The following ECM1 variants were observed in gnomAD, a reference collection of about 807,000 sequenced individuals.
ECM1 encodes the protein secretory component p85.
In ECM1, 54 loss-of-function variants were observed where a neutral mutation model predicts 57.9. That is an observed-to-expected ratio of 0.93 (90% CI 0.75 to 1.17). The LOEUF (loss-of-function observed/expected upper bound fraction) is 1.17. Among genes scored for constraint, ECM1 ranks in the 50% most tolerant of loss-of-function variants. ECM1 has a pLI of 0.00. For synonymous variants in ECM1, 237 were observed against 259.1 expected, an observed-to-expected ratio of 0.91 and a Z score of 0.82; for missense variants, 649 against 688.1, an observed-to-expected ratio of 0.94 and a Z score of 0.64.
Position 150,511,512 on chromosome 1 carries a change from C to G in ECM1, c.764C>G (p.Pro255Arg). The G allele has an allele frequency of 6.2e-7, 1 of 1,614,174 alleles. No individual in the cohort carries two copies. The change falls in exon 7 of 10, where the codon CCC becomes CGC. Residue 255 changes from proline (P) to arginine (R), a missense_variant. Coordinates refer to ENST00000369047, the MANE Select transcript of ECM1 (RefSeq NM_004425.4). ...CEAEFSVKTRPHWCCTRQGEA... is the reference protein window; with the variant it reads ...CEAEFSVKTRRHWCCTRQGEA... ...GCCGAGTTCTCGGTCAAGACCCGACCCCACTGGTGCTGCACGCGGCAGGGG... is the reference window on the plus strand; with the variant it reads ...GCCGAGTTCTCGGTCAAGACCCGACGCCACTGGTGCTGCACGCGGCAGGGG...
chr1:150,509,443 A>C, intron 1 of ECM1, 88 bp from the exon 2 acceptor site: 2 of 1,442,016 alleles, frequency 1.4e-6, no homozygotes, highest in Non-Finnish European at 2.0e-6. Flanking sequence ...TCTGTCCTAC[A>C]CTCTTGATCT....
Position 150,513,510 on chromosome 1 carries a change from C to T in ECM1, c.*43C>T, listed in dbSNP as rs754823825. 3 of 1,551,906 alleles carry T rather than the reference C, an allele frequency of 1.9e-6. No individual in the cohort carries two copies. The highest frequency in any genetic ancestry group is 1.8e-6 in the Non-Finnish European group (2 of 1,136,486). ...GAGGGTCAGATGGGGGGAACCCCAC[C>T]CTGCCCCACCCATCTGAACACTCAT... On this transcript the variant is annotated 3_prime_UTR_variant, in exon 10 of 10. Transcript: ENST00000369047.
In ECM1 at chr1:150,510,131, C is replaced by T. The variant is rs747786118; in HGVS notation, c.334C>T (p.Pro112Ser). Residue 112 changes from proline (P) to serine (S), a missense_variant, in exon 5 of 10, where the codon CCC becomes TCC. Pro to Ser is a moderately conservative substitution (Grantham distance 74). Coordinates refer to ENST00000369047, the MANE Select transcript of ECM1 (RefSeq NM_004425.4). The part of the protein sequence containing the change: ...VGPPLPQEAV[P>S]LQKELPSLQH... ...TCCCCCTCTCCCTCAGGAAGCTGTC[C>T]CCCTCCAAAAAGAGCTGCCCTCTCT... The T allele has an allele frequency of 3.1e-6, 5 of 1,614,112 alleles. No homozygotes were observed. Among genetic ancestry groups the T allele is most frequent in the Non-Finnish European group, 4.2e-6 (5 of 1,179,982 alleles).
At chr1:150,510,044 GA>G in intron 4 of ECM1, 42 bp downstream of exon 4, 1 of 1,613,992 alleles carries the variant, frequency 6.2e-7, no homozygotes, top group Non-Finnish European at 8.5e-7. Flanking sequence ...TCCCACTATG[GA>G]TCCTGTTGAC....
At chr1:150,510,658 G>C (rs1050450968) in intron 5 of ECM1, 7 of 626,692 alleles carry the variant, frequency 1.1e-5, no homozygotes, top group Non-Finnish European at 2.0e-5. Flanking sequence ...GAAGCAGGAG[G>C]AGGTGGGGGC....
At chr1:150,510,049 T>G in intron 4 of ECM1, 47 bp downstream of exon 4, 2 of 1,613,918 alleles carry the variant, frequency 1.2e-6, no homozygotes, top group Non-Finnish European at 1.7e-6. Flanking sequence ...CTATGGATCC[T>G]GTTGACACCA....
rs587775247 is a variant in ECM1, at chr1:150,511,749, A to T, written c.1001A>T (p.Glu334Val). The T allele has an allele frequency of 6.2e-7, 1 of 1,613,988 alleles. No homozygotes were observed. Among genetic ancestry groups the T allele is most frequent in the Admixed American group, 1.7e-5 (1 of 60,008 alleles). The change falls in exon 7 of 10, where the codon GAG (glutamate) becomes GTG (valine). Residue 334 changes from glutamate to valine, a missense_variant. Coordinates refer to ENST00000369047, the MANE Select transcript of ECM1 (RefSeq NM_004425.4). The stretch of plus-strand genomic sequence containing the variant: ...CCAGCTACTGACCCCCTACAAAGGG[A>T]GCTGCTGGCACTGATCCAGCTGGAG... ...NLPATDPLQRELLALIQLERE... is the reference protein window; with the variant it reads ...NLPATDPLQRVLLALIQLERE...
At chr1:150,512,864 G>A in intron 9 of ECM1, 52 bp downstream of exon 9, 1 of 1,581,122 alleles carries the variant, frequency 6.3e-7, no homozygotes, top group Non-Finnish European at 8.7e-7. Context: ...GGGAGGGAAA[G>A]AGCTAGAACT....
chr1:150,513,422 T>G lies in ECM1; in HGVS notation c.1578T>G (p.Thr526=), dbSNP rs763010199. 1.4e-5 allele frequency: 23 copies of G among 1,614,046 alleles called. No homozygotes were observed. The highest frequency in any genetic ancestry group is 1.9e-5 in the Non-Finnish European group (23 of 1,180,030). Residue 526 remains threonine (T), a synonymous_variant, in exon 10 of 10, where the codon ACT becomes ACG. Coordinates refer to ENST00000369047, the MANE Select transcript of ECM1 (RefSeq NM_004425.4). The part of the protein sequence containing the change: ...NAKGQGEQGS[T]GGTNISSTSE... ...AGGGCCAGGGGGAGCAGGGCTCAAC[T>G]GGAGGAACAAATATCAGCTCCACCT... is the stretch of plus-strand genomic sequence containing the variant.
In ECM1 at chr1:150,508,143, G is replaced by A. The variant is rs999979105; in HGVS notation, c.-67G>A. ...AGCCACCAGACAAGCTTCAGTGGCCGGCCCTTCACATCCAGACTTGCCTGA... is the reference window on the plus strand; with the variant it reads ...AGCCACCAGACAAGCTTCAGTGGCCAGCCCTTCACATCCAGACTTGCCTGA... On this transcript the variant is annotated 5_prime_UTR_variant, in exon 1 of 10. Coordinates refer to ENST00000369047, the MANE Select transcript of ECM1 (RefSeq NM_004425.4). 9 of 1,476,048 alleles carry A rather than the reference G, an allele frequency of 6.1e-6. No individual in the cohort carries two copies. Among genetic ancestry groups the A allele is most frequent in the East Asian group, 2.3e-5 (1 of 44,210 alleles). The allele number at this position is 1,476,048 out of a possible 1,614,324, so 91.4% of individuals were successfully genotyped here.
chr1:150,509,684 C>T lies in ECM1; in HGVS notation c.145C>T (p.Pro49Ser), dbSNP rs1670381055. ...AGTTGGCTACGCAGCTCCCCCCTCCCCACCCCTATCCCGAAGCCTCCCCAT... is the reference window on the plus strand; with the variant it reads ...AGTTGGCTACGCAGCTCCCCCCTCCTCACCCCTATCCCGAAGCCTCCCCAT... ...QEVGYAAPPS[P>S]PLSRSLPMDH... is the part of the protein sequence containing the mutation. Residue 49 changes from proline to serine, a missense_variant, in exon 3 of 10, where the codon CCA becomes TCA. Pro to Ser is a moderately conservative substitution (Grantham distance 74). Coordinates refer to ENST00000369047, the MANE Select transcript of ECM1 (RefSeq NM_004425.4). The T allele has an allele frequency of 3.1e-6, 5 of 1,613,286 alleles. No individual in the cohort carries two copies. The highest frequency in any genetic ancestry group is 1.3e-5 in the African/African-American group (1 of 74,964).
Position 150,508,181 on chromosome 1 carries a change from C to CT in ECM1, c.-28dup. On this transcript the variant is annotated 5_prime_UTR_variant, in exon 1 of 10. Coordinates refer to ENST00000369047, the MANE Select transcript of ECM1 (RefSeq NM_004425.4). ...CAGACTTGCCTGAGAGGACCCACCT[C>CT]TGAGTGTCCAGTGGTCAGTTGCCCC... is the stretch of plus-strand genomic sequence containing the variant. The CT allele has an allele frequency of 6.2e-7, 1 of 1,613,104 alleles. No individual in the cohort carries two copies. The highest frequency in any genetic ancestry group is 1.1e-5 in the South Asian group (1 of 91,068).
intron 5 of ECM1, chr1:150,510,514 C>T: frequency 1.8e-6 from 1 of 549,646 alleles, no homozygotes; most frequent in South Asian, 2.1e-5. Flanking sequence ...CCCAGTAGAC[C>T]CACCTCTTCC....
rs1375820179 is a variant in ECM1, at chr1:150,508,343, G to C, written c.70+64G>C. 2.0e-6 allele frequency: 3 copies of C among 1,473,024 alleles called. No homozygotes were observed. In the East Asian group the frequency reaches 6.8e-5, roughly 33 times the overall value. The allele number at this position is 1,473,024 out of a possible 1,614,324, so 91.2% of individuals were successfully genotyped here. ...TTGCATGGCAGGGGTCTGGGTCCAGGCATCCCAGACGGCTCATCACTAGCA... is the reference window on the plus strand; with the variant it reads ...TTGCATGGCAGGGGTCTGGGTCCAGCCATCCCAGACGGCTCATCACTAGCA... On this transcript the variant is annotated intron_variant, in intron 1 of 9. Coordinates refer to ENST00000369047, the MANE Select transcript of ECM1 (RefSeq NM_004425.4).
Position 150,511,577 on chromosome 1 carries a change from C to G in ECM1, c.829C>G (p.Pro277Ala). 1.2e-6 allele frequency: 2 copies of G among 1,614,188 alleles called. No individual in the cohort carries two copies. Among genetic ancestry groups the G allele is most frequent in the South Asian group, 2.2e-5 (2 of 91,086 alleles). Residue 277 changes from proline to alanine, a missense_variant, in exon 7 of 10, where the codon CCA becomes GCA. Transcript: ENST00000369047. ...CTGCTTCCAGGAGGAAGCTCCCCAG[C>G]CACACTACCAGCTCCGGGCCTGCCC... ...FSCFQEEAPQ[P>A]HYQLRACPSH...
At position 150,513,695 on chromosome 1, in the gene ECM1, A is replaced by G; in HGVS notation, c.*228A>G. 2.0e-6 allele frequency: 1 copy of G among 508,580 alleles called. No homozygotes were observed. Among genetic ancestry groups the G allele is most frequent in the Non-Finnish European group, 3.6e-6 (1 of 280,434 alleles). 31.5% of individuals were successfully genotyped at this position (508,580 alleles called of 1,614,324 possible). ...TCCTAAGCCTGCTTGTATTTCCTTC[A>G]GTGCCTGGCCCCTGAGGCCCACGGC... On this transcript the variant is annotated 3_prime_UTR_variant, in exon 10 of 10. Transcript: ENST00000369047.
At position 150,511,469 on chromosome 1, in the gene ECM1, A is replaced by G. The variant is rs1348586543; in HGVS notation, c.721A>G (p.Met241Val). 1.9e-6 allele frequency: 3 copies of G among 1,614,044 alleles called. No homozygotes were observed. The highest frequency in any genetic ancestry group is 2.5e-6 in the Non-Finnish European group (3 of 1,179,968). ...CCTCTTGCTCTAGTGGGAGGAAGCA[A>G]TGAGCCGATTCTGTGAGGCCGAGTT... Reference protein sequence around the residue: ...ECAKLVWEEAMSRFCEAEFSV... With the variant: ...ECAKLVWEEAVSRFCEAEFSV... Residue 241 changes from methionine to valine, a missense_variant, in exon 7 of 10, where the codon ATG becomes GTG. Transcript: ENST00000369047.
chr1:150,510,290 A>G, intron 5 of ECM1, 108 bp downstream of exon 5: 1 of 1,033,710 alleles, frequency 9.7e-7, no homozygotes, highest in Non-Finnish European at 1.5e-6. Flanking sequence ...CCAGTTGTAT[A>G]ACCTTGGGTA....
intron 6 of ECM1, 49 bp downstream of exon 6, chr1:150,511,247 T>C: frequency 6.2e-7 from 1 of 1,609,068 alleles, no homozygotes. Flanking sequence ...CCCCAGACAG[T>C]ATGTGTGTTT....
Sources: gnomAD v4.1 joint callset for allele counts on GRCh38, gnomAD v4.1.1 for gene constraint, MANE v1.5 for transcripts, NCBI Gene and HGNC (gene_info 2026-07-23, HGNC 2026-07-21) for gene names.